Variants in ARHGAP26 observed in about 807,000 individuals in gnomAD.
ARHGAP26 encodes the protein rho GTPase-activating protein 26.
ARHGAP26 carries 38 observed loss-of-function variants against 104.8 expected under a neutral mutation model. The observed-to-expected ratio is 0.36, with a 90% CI of 0.28 to 0.48. The LOEUF (loss-of-function observed/expected upper bound fraction) is 0.48. ARHGAP26 is among the 20% of genes least tolerant of loss of function. The pLI, the probability that ARHGAP26 is intolerant of heterozygous loss-of-function variation, is 0.99. For missense variants in ARHGAP26, 704 were observed against 947.9 expected, an observed-to-expected ratio of 0.74 and a Z score of 3.38; for synonymous variants, 341 against 340.0, an observed-to-expected ratio of 1.00 and a Z score of -0.03.
chr5:143,172,750 G>C (rs1802952323), intron 20 of ARHGAP26, among the ~76,000 whole-genome samples: 1 of 152,224 alleles, frequency 6.6e-6, no homozygotes, highest in Admixed American at 6.5e-5. Flanking sequence ...CCTGGTAACA[G>C]AATGATAGGT....
At chr5:143,110,926 G>A in intron 17 of ARHGAP26, among the ~76,000 whole-genome samples, 1 of 152,172 alleles carries the variant, frequency 6.6e-6, no homozygotes, top group African/African-American at 2.4e-5. Flanking sequence ...CTGGATCTAA[G>A]GAATGTGTTT....
At chr5:142,912,792 G>A (rs183125865) in intron 9 of ARHGAP26, among the ~76,000 whole-genome samples, 7 of 152,282 alleles carry the variant, frequency 4.6e-5, no homozygotes, top group South Asian at 4.1e-4. Flanking sequence ...TTGTGAACAC[G>A]TTCTGGGGAT....
intron 19 of ARHGAP26, among the ~76,000 whole-genome samples, chr5:143,145,171 A>T (rs1445154012): frequency 2.0e-5 from 3 of 152,214 alleles, no homozygotes; most frequent in South Asian, 2.1e-4. Context: ...AGACGAATAT[A>T]CTTTTAGCAA....
chr5:143,046,594 C>T (rs1192194563), intron 14 of ARHGAP26, among the ~76,000 whole-genome samples: 1 of 152,182 alleles, frequency 6.6e-6, no homozygotes, highest in Non-Finnish European at 1.5e-5. Flanking sequence ...AAAGGACTCT[C>T]AAAGACTTGC....
At chr5:142,899,276 C>A (rs1357189848) in intron 6 of ARHGAP26, among the ~76,000 whole-genome samples, 1 of 152,128 alleles carries the variant, frequency 6.6e-6, no homozygotes, top group Non-Finnish European at 1.5e-5. Flanking sequence ...TTGGGGGACA[C>A]AATTTAACCC....
At chr5:143,016,990 G>T (rs1779677664) in intron 12 of ARHGAP26, among the ~76,000 whole-genome samples, 2 of 152,164 alleles carry the variant, frequency 1.3e-5, no homozygotes, top group South Asian at 2.1e-4. Flanking sequence ...TCTGGGTCTT[G>T]ATTGTTCTGC....
intron 17 of ARHGAP26, among the ~76,000 whole-genome samples, chr5:143,059,457 A>G (rs1786365246): frequency 1.3e-5 from 2 of 152,250 alleles, no homozygotes; most frequent in Admixed American, 1.3e-4. Flanking sequence ...AGAAGAAGAA[A>G]AAAGGATTTA....
chr5:143,068,832 C>T (rs1448003027), intron 17 of ARHGAP26, among the ~76,000 whole-genome samples: 1 of 152,208 alleles, frequency 6.6e-6, no homozygotes, highest in Non-Finnish European at 1.5e-5. Flanking sequence ...TTTTTATGCA[C>T]ACTAGTCCAC....
At chr5:143,206,230 G>T (rs544668108) in intron 20 of ARHGAP26, among the ~76,000 whole-genome samples, 1 of 152,220 alleles carries the variant, frequency 6.6e-6, no homozygotes, top group Non-Finnish European at 1.5e-5. Flanking sequence ...TCAGCAGTCC[G>T]CTGAGATTCA....
At chr5:142,959,202 G>A (rs115065252) in intron 11 of ARHGAP26, among the ~76,000 whole-genome samples, 1,720 of 152,320 alleles carry the variant, frequency 0.011, 24 homozygotes, top group African/African-American at 0.027. Context: ...CATTTGTACA[G>A]ATGATAGAAC....
intron 11 of ARHGAP26, among the ~76,000 whole-genome samples, chr5:142,961,748 T>G (rs186373753): frequency 1.2e-3 from 190 of 152,364 alleles, no homozygotes; most frequent in African/African-American, 4.3e-3. Flanking sequence ...CAAGGAAATA[T>G]GTTGAAAATA....
rs551349165 is a variant in ARHGAP26, at chr5:142,870,011, G to A, written c.155-3389G>A. On this transcript the variant is annotated intron_variant, in intron 1 of 22. Coordinates refer to ENST00000645722, the MANE Select transcript of ARHGAP26 (RefSeq NM_001135608.3). Reference sequence around the variant, plus strand: ...CAGATACTTGGCCTCCCCAGATGCCGGCAGTTATGACTTCCCTCCACTCTG... The same window carrying A: ...CAGATACTTGGCCTCCCCAGATGCCAGCAGTTATGACTTCCCTCCACTCTG... Among the ~76,000 whole-genome samples, 12 of 152,250 alleles carry A rather than the reference G, an allele frequency of 7.9e-5. No individual in the cohort carries two copies. In the East Asian group the frequency reaches 2.1e-3, roughly 27 times the overall value.
At position 143,086,282 on chromosome 5, in the gene ARHGAP26, C is replaced by G. The variant is rs372750535; in HGVS notation, c.1538+28535C>G. Among the ~76,000 whole-genome samples, 18 of 152,182 alleles carry G rather than the reference C, an allele frequency of 1.2e-4. 2 individuals carry two copies. Among genetic ancestry groups the G allele is most frequent in the Admixed American group, 1.0e-3 (16 of 15,282 alleles). On this transcript the variant is annotated intron_variant, in intron 17 of 22. Coordinates refer to ENST00000645722, the MANE Select transcript of ARHGAP26 (RefSeq NM_001135608.3). Reference sequence around the variant, plus strand: ...CCCCTCTGGCATTACTAAAATGACACAAACCCATTGTTGATCATTTTTCTA... The same window carrying G: ...CCCCTCTGGCATTACTAAAATGACAGAAACCCATTGTTGATCATTTTTCTA...
intron 17 of ARHGAP26, among the ~76,000 whole-genome samples, chr5:143,118,092 A>G (rs1180381513): frequency 6.6e-6 from 1 of 152,222 alleles, no homozygotes; most frequent in Non-Finnish European, 1.5e-5. Context: ...GTGAAAGGAA[A>G]GTACAGAAAG....
intron 11 of ARHGAP26, among the ~76,000 whole-genome samples, chr5:142,935,986 G>A (rs147776267): frequency 4.5e-4 from 68 of 152,156 alleles, no homozygotes; most frequent in African/African-American, 1.5e-3. Flanking sequence ...GCAGAGGACT[G>A]GAAGTCCTAG....
intron 1 of ARHGAP26, among the ~76,000 whole-genome samples, chr5:142,840,587 G>T (rs1015432876): frequency 3.9e-5 from 6 of 152,272 alleles, no homozygotes; most frequent in Admixed American, 2.6e-4. Context: ...TGCTTCTAAG[G>T]TTCCTAGGTA....
chr5:142,912,114 A>C (rs1761912654), intron 9 of ARHGAP26, among the ~76,000 whole-genome samples: 1 of 152,216 alleles, frequency 6.6e-6, no homozygotes, highest in Non-Finnish European at 1.5e-5. Flanking sequence ...ACAAATTCCT[A>C]AGTGACAGTA....
chr5:142,884,096 T>G (rs1346866786), intron 4 of ARHGAP26, among the ~76,000 whole-genome samples: 3 of 152,242 alleles, frequency 2.0e-5, no homozygotes, highest in Admixed American at 2.0e-4. Flanking sequence ...GCAGGAATAA[T>G]GTACCCAATT....
intron 22 of ARHGAP26, among the ~76,000 whole-genome samples, chr5:143,218,344 G>A (rs774497679): frequency 2.0e-5 from 3 of 152,118 alleles, no homozygotes; most frequent in Non-Finnish European, 2.9e-5. Context: ...TTGTCCTGCC[G>A]AGCAAAATCT....
Sources: allele counts gnomAD v4.1 joint callset (sites outside exome capture counted in the v4.1 genomes callset), GRCh38; gene constraint gnomAD v4.1.1; transcripts MANE v1.5; gene names NCBI Gene and HGNC (gene_info 2026-07-23, HGNC 2026-07-21).